The following KCNT2 variants were observed in gnomAD, a reference collection of about 807,000 sequenced individuals.
KCNT2 encodes the protein potassium sodium-activated channel subfamily T member 2, also known as potassium channel subfamily T member 2.
KCNT2 carries 67 observed loss-of-function variants against 153.8 expected under a neutral mutation model. The ratio of observed to expected loss-of-function variants is 0.44; its 90% CI spans 0.36 to 0.53. The LOEUF (loss-of-function observed/expected upper bound fraction) is 0.53, where lower values mean the gene tolerates loss of function less well. KCNT2 is among the 20% of genes least tolerant of loss of function. The pLI is 0.00. For missense variants in KCNT2, 975 were observed against 1,354.8 expected, an observed-to-expected ratio of 0.72 and a Z score of 4.40; for synonymous variants, 500 against 458.8, an observed-to-expected ratio of 1.09 and a Z score of -1.15.
chr1:196,228,082 A>T lies in KCNT2; in HGVS notation c.*142T>A. The T allele has an allele frequency of 1.7e-6, 1 of 587,762 alleles. No homozygotes were observed. Among genetic ancestry groups the T allele is most frequent in the Non-Finnish European group, 3.0e-6 (1 of 330,082 alleles). The allele number at this position is 587,762 out of a possible 1,614,324, so 36.4% of individuals were successfully genotyped here. On this transcript the variant is annotated 3_prime_UTR_variant, in exon 28 of 28. Coordinates refer to ENST00000294725, the MANE Select transcript of KCNT2 (RefSeq NM_198503.5). ...AAGTAGTACATTAAGTTTCAAAATG[A>T]TCTATACTTCTAAGAGAAGAGATTA...
In KCNT2 at chr1:196,340,575, A is replaced by G. The variant is rs772224922; in HGVS notation, c.1554-5T>C. 3.3e-5 allele frequency: 49 copies of G among 1,497,842 alleles called. No individual in the cohort carries two copies. Among genetic ancestry groups the G allele is most frequent in the Non-Finnish European group, 4.3e-5 (48 of 1,114,188 alleles). The allele number at this position is 1,497,842 out of a possible 1,614,324, so 92.8% of individuals were successfully genotyped here. A position where few individuals can be genotyped will look rare whatever the true frequency, so the allele number is the denominator to read the frequency against. The stretch of plus-strand genomic sequence containing the variant: ...CCAATCAAGCAGACGCCAAACCTTA[A>G]TTTAAAAAAAAAGAGAGTTTGTAAG... On this transcript the variant is annotated splice_region_variant and splice_polypyrimidine_tract_variant and intron_variant, in intron 15 of 27. Coordinates refer to ENST00000294725, the MANE Select transcript of KCNT2 (RefSeq NM_198503.5).
chr1:196,255,208 G>A (rs2477361), intron 26 of KCNT2, among the ~76,000 whole-genome samples: 107,533 of 151,430 alleles, frequency 0.71, 41,408 homozygotes, highest in East Asian at 0.94. Flanking sequence ...TTGCAATAGA[G>A]TTTATAGATT....
chr1:196,445,266 A>T (rs1675587679), intron 8 of KCNT2, among the ~76,000 whole-genome samples: 2 of 151,384 alleles, frequency 1.3e-5, no homozygotes, highest in African/African-American at 4.8e-5. Context: ...GTGAAATATG[A>T]AATAGGACCA....
intron 14 of KCNT2, among the ~76,000 whole-genome samples, chr1:196,368,974 T>TC (rs1668272239): frequency 6.6e-6 from 1 of 152,086 alleles, no homozygotes. Context: ...TTTCTTTTTT[T>TC]CCCCCTCTCT....
intron 23 of KCNT2, among the ~76,000 whole-genome samples, chr1:196,284,225 T>C (rs1290759744): frequency 5.7e-5 from 1 of 17,626 alleles, no homozygotes; most frequent in Non-Finnish European, 1.6e-4. Flanking sequence ...AGCAAGACTC[T>C]GTCTTAAAAA....
intron 12 of KCNT2, among the ~76,000 whole-genome samples, chr1:196,407,136 G>A (rs1671893829): frequency 6.6e-6 from 1 of 151,308 alleles, no homozygotes; most frequent in Non-Finnish European, 1.5e-5. Context: ...GGTTTTGAAG[G>A]AAACTTCCCT....
chr1:196,450,617 C>T (rs1237852348), intron 8 of KCNT2, among the ~76,000 whole-genome samples: 1 of 151,628 alleles, frequency 6.6e-6, no homozygotes, highest in African/African-American at 2.4e-5. Context: ...AAAAGTGTGT[C>T]ACTTCTGTCT....
chr1:196,491,492 C>T (rs1679856288), intron 2 of KCNT2, among the ~76,000 whole-genome samples: 1 of 151,938 alleles, frequency 6.6e-6, no homozygotes, highest in Non-Finnish European at 1.5e-5. Context: ...AATGTCTACA[C>T]CAACTAATGC....
rs147510843 is a variant in KCNT2 at position 196,520,389 on chromosome 1, T to C, written c.96-28048A>G. 6.0e-3 allele frequency among the ~76,000 whole-genome samples: 912 copies of C among 151,650 alleles called. 8 individuals carry two copies. The highest frequency in any genetic ancestry group is 0.017 in the South Asian group (80 of 4,794). The stretch of plus-strand genomic sequence containing the variant: ...AAGCTAGAAGCATTATACTTGAAAA[T>C]TGGCACAAGAGAAAGATGTCCTCTC... On this transcript the variant is annotated intron_variant, in intron 1 of 27. Coordinates refer to ENST00000294725, the MANE Select transcript of KCNT2 (RefSeq NM_198503.5).
rs769530754 is a variant in KCNT2 at position 196,232,865 on chromosome 1, G to A, written c.3296+3121C>T. On this transcript the variant is annotated intron_variant, in intron 27 of 27. Transcript: ENST00000294725. ...TAATTATGGGAAATGATTGTATTAAGCTTAAGAAACATAATTTATTATAAA... is the reference window on the plus strand; with the variant it reads ...TAATTATGGGAAATGATTGTATTAAACTTAAGAAACATAATTTATTATAAA... 2.2e-3 allele frequency among the ~76,000 whole-genome samples: 326 copies of A among 151,254 alleles called. 4 individuals are homozygous for A. Among genetic ancestry groups the A allele is most frequent in the Non-Finnish European group, 4.0e-3 (271 of 67,472 alleles).
In KCNT2 at chr1:196,333,982, C is replaced by T. The variant is rs189510650; in HGVS notation, c.1862G>A (p.Ser621Asn). Residue 621 changes from serine to asparagine, a missense_variant, in exon 17 of 28, where the codon AGC (serine) becomes AAC (asparagine). Ser to Asn is a conservative substitution (Grantham distance 46). Around this residue, in one of 6 missense-constraint regions of KCNT2, gnomAD observed 325 missense variants for 388.1 expected, o/e 0.84. Coordinates refer to ENST00000294725, the MANE Select transcript of KCNT2 (RefSeq NM_198503.5). ...GPTLSLPTEG[S>N]KEIRRPSIAP... ...AATGCTAGGTCTTCTTATTTCTTTGCTTCCCTCTGTAGGAAGAGACAGGGT... is the reference window on the plus strand; with the variant it reads ...AATGCTAGGTCTTCTTATTTCTTTGTTTCCCTCTGTAGGAAGAGACAGGGT... 9 of 1,613,320 alleles carry T rather than the reference C, an allele frequency of 5.6e-6. No homozygotes were observed. The highest frequency in any genetic ancestry group is 4.0e-5 in the African/African-American group (3 of 74,976).
intron 1 of KCNT2, among the ~76,000 whole-genome samples, chr1:196,593,198 C>A (rs1663599047): frequency 6.7e-6 from 1 of 150,282 alleles, no homozygotes; most frequent in African/African-American, 2.4e-5. Flanking sequence ...TCCTGAGTTA[C>A]TTCACTTAGA....
At chr1:196,510,136 C>T (rs1046996378) in intron 1 of KCNT2, among the ~76,000 whole-genome samples, 1 of 151,882 alleles carries the variant, frequency 6.6e-6, no homozygotes, top group African/African-American at 2.4e-5. Flanking sequence ...ATGGCTAGAA[C>T]AAAGGGAGCA....
chr1:196,229,416 C>T (rs1653757385), intron 27 of KCNT2, among the ~76,000 whole-genome samples: 1 of 152,024 alleles, frequency 6.6e-6, no homozygotes, highest in South Asian at 2.1e-4. Context: ...GATCACTCCA[C>T]CAACTGGCTA....
At chr1:196,463,455 T>C (rs1677331588) in intron 8 of KCNT2, among the ~76,000 whole-genome samples, 1 of 151,790 alleles carries the variant, frequency 6.6e-6, no homozygotes, top group South Asian at 2.1e-4. Flanking sequence ...TATATTATGA[T>C]ACATGTGATT....
chr1:196,392,990 T>C (rs1444528427), intron 13 of KCNT2, among the ~76,000 whole-genome samples: 1 of 151,460 alleles, frequency 6.6e-6, no homozygotes, highest in African/African-American at 2.4e-5. Flanking sequence ...AATTGCGAAG[T>C]ACAAAGTATT....
intron 26 of KCNT2, among the ~76,000 whole-genome samples, chr1:196,246,361 T>A (rs1194805713): frequency 6.6e-6 from 1 of 152,162 alleles, no homozygotes; most frequent in Non-Finnish European, 1.5e-5. Flanking sequence ...AGACCTGCTA[T>A]AAGAAATGCT....
intron 8 of KCNT2, among the ~76,000 whole-genome samples, chr1:196,451,220 T>TC (rs1676142051): frequency 9.0e-6 from 1 of 111,630 alleles, no homozygotes; most frequent in Non-Finnish European, 1.6e-5. Flanking sequence ...CCTCTTTCTT[T>TC]TTTTTTTTTT....
At chr1:196,328,754 G>C (rs927906258) in intron 18 of KCNT2, among the ~76,000 whole-genome samples, 6 of 151,816 alleles carry the variant, frequency 4.0e-5, no homozygotes, top group Non-Finnish European at 8.8e-5. Flanking sequence ...TCCACCAATA[G>C]AATCTCCTTA....
Sources: allele counts gnomAD v4.1 joint callset (sites outside exome capture counted in the v4.1 genomes callset), GRCh38; gene constraint gnomAD v4.1.1; regional missense constraint gnomAD v4.1.1; transcripts MANE v1.5; gene names NCBI Gene and HGNC (gene_info 2026-07-23, HGNC 2026-07-21).